RHOU: variants seen among roughly 807,000 people sequenced by gnomAD.
The protein encoded by RHOU is rho-related GTP-binding protein RhoU.
RHOU carries 8 observed loss-of-function variants against 12.6 expected under a neutral mutation model. The ratio of observed to expected loss-of-function variants is 0.64; its 90% CI spans 0.37 to 1.15. The LOEUF is 1.15. Among genes scored for constraint, RHOU ranks in the 50% most tolerant of loss-of-function variants. The pLI is 0.01. For missense variants in RHOU, 258 were observed against 347.0 expected (o/e 0.74, Z 2.04); for synonymous variants, 161 against 147.4 (o/e 1.09, Z -0.67).
At position 228,735,865 on chromosome 1, in the gene RHOU, T is replaced by C; in HGVS notation, c.123T>C (p.Arg41=). ...CTGGGGAGCCGGGGGGCCGGGGGCG[T>C]GCGGGGGGTGCCGAGGGGCGCGGCG... ...RGPGEPGGRG[R]AGGAEGRGVK... The change falls in exon 1 of 3, where the codon CGT becomes CGC. Residue 41 remains arginine (R), a synonymous_variant. Coordinates refer to ENST00000366691, the MANE Select transcript of RHOU (RefSeq NM_021205.6). This position sits in a 1 kb window ranked among gnomAD's most constrained non-coding sequence, Gnocchi z 8.1. 7.0e-7 allele frequency: 1 copy of C among 1,422,856 alleles called. No homozygotes were observed. Among genetic ancestry groups the C allele is most frequent in the Non-Finnish European group, 9.2e-7 (1 of 1,087,194 alleles). The allele number at this position is 1,422,856 out of a possible 1,614,324, so 88.1% of individuals were successfully genotyped here. A position where few individuals can be genotyped will look rare whatever the true frequency, so the allele number is the denominator to read the frequency against.
At chr1:228,673,587 G>A in the RHOU span, among the ~76,000 whole-genome samples, 2 of 152,158 alleles carry the variant, frequency 1.3e-5, no homozygotes, top group African/African-American at 4.8e-5. Flanking sequence ...GTTTTCAAGA[G>A]AGCTGGTTGT....
the RHOU span, among the ~76,000 whole-genome samples, chr1:228,707,643 CA>C: frequency 1.3e-5 from 2 of 152,020 alleles, no homozygotes; most frequent in Admixed American, 1.3e-4. Context: ...ACATCCACAC[CA>C]AAAACCCATC....
chr1:228,684,471 G>A, the RHOU span, among the ~76,000 whole-genome samples: 16 of 149,716 alleles, frequency 1.1e-4, no homozygotes, highest in East Asian at 3.1e-3. Flanking sequence ...TGGGACTACA[G>A]GCGTGCACCA....
the RHOU span, among the ~76,000 whole-genome samples, chr1:228,663,656 G>A: frequency 1.1e-4 from 6 of 55,704 alleles, no homozygotes; most frequent in African/African-American, 5.5e-4. Context: ...TTTTTGAGAC[G>A]GAATTTCACT....
At chr1:228,668,140 C>T in the RHOU span, among the ~76,000 whole-genome samples, 1 of 152,176 alleles carries the variant, frequency 6.6e-6, no homozygotes, top group Non-Finnish European at 1.5e-5. Context: ...GAACAGCTTC[C>T]AGGTTAGTGG....
intron 2 of RHOU, among the ~76,000 whole-genome samples, chr1:228,741,260 C>T (rs1447774835): frequency 6.6e-6 from 1 of 152,122 alleles, no homozygotes; most frequent in Non-Finnish European, 1.5e-5. Context: ...GGGTGCATTC[C>T]AGTTGTCCTC....
the RHOU span, among the ~76,000 whole-genome samples, chr1:228,707,105 CATATATATAT>C: frequency 2.8e-5 from 2 of 70,844 alleles, no homozygotes; most frequent in Non-Finnish European, 2.5e-5. Flanking sequence ...TATATACATA[CATATATATAT>C]ATATATATAT....
In RHOU at chr1:228,745,411, C is replaced by CT. The variant is rs1662807875; in HGVS notation, c.*1677dup. The CT allele has an allele frequency of 6.6e-6, 1 of 152,020 alleles. No homozygotes were observed. The highest frequency in any genetic ancestry group is 2.4e-5 in the African/African-American group (1 of 41,394). The allele number at this position is 152,020 out of a possible 1,614,324, so 9.4% of individuals were successfully genotyped here. On this transcript the variant is annotated 3_prime_UTR_variant, in exon 3 of 3. Coordinates refer to ENST00000366691, the MANE Select transcript of RHOU (RefSeq NM_021205.6). ...TATTTTTCTGTGGGTTTTGTGTTGT[C>CT]TTTTTTATGTTAAAAAGAAATCCAG...
At chr1:228,706,062 G>T in the RHOU span, among the ~76,000 whole-genome samples, 6 of 151,962 alleles carry the variant, frequency 3.9e-5, no homozygotes, top group African/African-American at 1.4e-4. Flanking sequence ...CAAAAAAAAA[G>T]AAATTTTTTG....
the RHOU span, among the ~76,000 whole-genome samples, chr1:228,680,407 G>A: frequency 6.6e-6 from 1 of 152,184 alleles, no homozygotes; most frequent in South Asian, 2.1e-4. Context: ...TTGAAACAAG[G>A]TCCACGAGGA....
At chr1:228,729,990 G>C in the RHOU span, among the ~76,000 whole-genome samples, 1 of 152,190 alleles carries the variant, frequency 6.6e-6, no homozygotes, top group Non-Finnish European at 1.5e-5. Context: ...GCCACTGGTG[G>C]CCCATTTGGT....
At chr1:228,736,634 C>G (rs1478632749) in intron 1 of RHOU, among the ~76,000 whole-genome samples, 1 of 152,184 alleles carries the variant, frequency 6.6e-6, no homozygotes, top group African/African-American at 2.4e-5. Context: ...CCCACATGGG[C>G]TCGGATTCTG....
At chr1:228,695,040 G>T in the RHOU span, among the ~76,000 whole-genome samples, 7 of 152,112 alleles carry the variant, frequency 4.6e-5, no homozygotes, top group Non-Finnish European at 1.5e-5. Flanking sequence ...CGGGATCTCT[G>T]CTCTCTGCAA....
At chr1:228,707,677 C>T in the RHOU span, among the ~76,000 whole-genome samples, 1 of 151,994 alleles carries the variant, frequency 6.6e-6, no homozygotes, top group Admixed American at 6.6e-5. Context: ...TCATCAAAGA[C>T]CAAAAGTAGA....
chr1:228,711,030 C>A, the RHOU span, among the ~76,000 whole-genome samples: 13 of 151,916 alleles, frequency 8.6e-5, no homozygotes, highest in African/African-American at 2.9e-4. Context: ...AAACAGAGAG[C>A]CAAATCATGA....
chr1:228,666,096 T>G, the RHOU span, among the ~76,000 whole-genome samples: 1,138 of 152,000 alleles, frequency 7.5e-3, 2 homozygotes, highest in Non-Finnish European at 0.012. Context: ...TAGCTAGGAT[T>G]GCAGGCGTGC....
chr1:228,712,350 C>CA, the RHOU span, among the ~76,000 whole-genome samples: 1 of 149,668 alleles, frequency 6.7e-6, no homozygotes, highest in Non-Finnish European at 1.5e-5. Flanking sequence ...GCTATAAAGA[C>CA]ACATGCACAT....
At chr1:228,717,580 C>T in the RHOU span, among the ~76,000 whole-genome samples, 1 of 152,246 alleles carries the variant, frequency 6.6e-6, no homozygotes, top group Non-Finnish European at 1.5e-5. Context: ...ACCACTCCAA[C>T]TTACCTCATC....
chr1:228,727,342 C>T, the RHOU span, among the ~76,000 whole-genome samples: 2 of 152,132 alleles, frequency 1.3e-5, no homozygotes, highest in Non-Finnish European at 2.9e-5. Context: ...GTGTTTCACT[C>T]TGTTGCCCAG....
Sources: allele counts gnomAD v4.1 joint callset (sites outside exome capture counted in the v4.1 genomes callset), GRCh38; gene constraint gnomAD v4.1.1; non-coding constraint Gnocchi (gnomAD v3.1); transcripts MANE v1.5; gene names NCBI Gene and HGNC (gene_info 2026-07-23, HGNC 2026-07-21).